THPO: variants seen among roughly 807,000 people sequenced by gnomAD.
THPO encodes MPL ligand.
THPO carries 12 observed loss-of-function variants against 17.0 expected under a neutral mutation model. The ratio of observed to expected loss-of-function variants is 0.71; its 90% CI spans 0.45 to 1.14. THPO has a LOEUF of 1.14. THPO is among the 50% of genes most tolerant of loss of function. THPO has a pLI of 0.00. For missense variants in THPO, 365 were observed against 427.5 expected, an observed-to-expected ratio of 0.85 and a Z score of 1.29; for synonymous variants, 188 against 183.0, an observed-to-expected ratio of 1.03 and a Z score of -0.22.
Position 184,373,069 on chromosome 3 carries a change from G to A in THPO, c.506C>T (p.Ser169Phe). 6.2e-7 allele frequency: 1 copy of A among 1,613,988 alleles called. No individual in the cohort carries two copies. Among genetic ancestry groups the A allele is most frequent in the Non-Finnish European group, 8.5e-7 (1 of 1,180,006 alleles). The change falls in exon 6 of 6, where the codon TCC becomes TTC. Residue 169 changes from serine to phenylalanine, a missense_variant. By Grantham distance (155) the Ser-to-Phe change is radical. Transcript: ENST00000647395. The part of the protein sequence containing the change: ...KVRFLMLVGG[S>F]TLCVRRAPPT... ...TGGGGCCCGCCTGACGCAGAGGGTG[G>A]ACCCTCCTACAAGCATCAGGAAACG...
At chr3:184,373,259 G>C in intron 5 of THPO, 81 bp from the exon 6 acceptor site, 1 of 1,587,630 alleles carries the variant, frequency 6.3e-7, no homozygotes, top group African/African-American at 1.3e-5. Flanking sequence ...AAGACAGGAT[G>C]CCAGTACCCA....
rs1158748595 is a variant in THPO, at chr3:184,373,087, A to G, written c.488T>C (p.Leu163Pro). 6.2e-7 allele frequency: 1 copy of G among 1,613,874 alleles called. No individual in the cohort carries two copies. The highest frequency in any genetic ancestry group is 1.3e-5 in the African/African-American group (1 of 74,916). Residue 163 changes from leucine to proline, a missense_variant, in exon 6 of 6, where the codon CTG (leucine) becomes CCG (proline). Physicochemically the swap from Leu to Pro is moderately conservative, Grantham distance 98. Transcript: ENST00000647395. ...GAGGGTGGACCCTCCTACAAGCATC[A>G]GGAAACGCACCTTTCCTCGGAGCAG... ...QHLLRGKVRF[L>P]MLVGGSTLCV...
intron 4 of THPO, among the ~76,000 whole-genome samples, chr3:184,375,137 A>G (rs1714282014): frequency 6.6e-6 from 1 of 152,200 alleles, no homozygotes; most frequent in South Asian, 2.1e-4. Context: ...CTAGTCTTTC[A>G]GTGATTTGAA....
At chr3:184,375,734 A>G in intron 3 of THPO, 133 bp from the exon 4 acceptor site, 1 of 1,482,124 alleles carries the variant, frequency 6.7e-7, no homozygotes, top group South Asian at 1.1e-5. Flanking sequence ...ATTGTGAAGA[A>G]TAATCCTTGT....
upstream of THPO, chr3:184,378,458 G>A: frequency 1.1e-6 from 1 of 946,708 alleles, no homozygotes; most frequent in Non-Finnish European, 1.3e-6. Flanking sequence ...AAGCACAGAG[G>A]TCTTGTTTAA....
Position 184,372,352 on chromosome 3 carries a change from C to T in THPO, c.*161G>A. Reference sequence around the variant, plus strand: ...ATAGCTTCTGAAGGTTTATAATGTACAGTGAAAAATGATTCCCTTTTCAGT... The same window carrying T: ...ATAGCTTCTGAAGGTTTATAATGTATAGTGAAAAATGATTCCCTTTTCAGT... On this transcript the variant is annotated 3_prime_UTR_variant, in exon 6 of 6. Coordinates refer to ENST00000647395, the MANE Select transcript of THPO (RefSeq NM_000460.4). 1.2e-6 allele frequency: 1 copy of T among 820,584 alleles called. No homozygotes were observed. Among genetic ancestry groups the T allele is most frequent in the Non-Finnish European group, 2.0e-6 (1 of 496,012 alleles). The allele number at this position is 820,584 out of a possible 1,614,324, so 50.8% of individuals were successfully genotyped here. A position where few individuals can be genotyped will look rare whatever the true frequency, so the allele number is the denominator to read the frequency against.
Position 184,372,300 on chromosome 3 carries a change from G to A in THPO, c.*213C>T, listed in dbSNP as rs1210547620. 6.7e-6 allele frequency: 4 copies of A among 597,580 alleles called. No homozygotes were observed. The highest frequency in any genetic ancestry group is 1.9e-5 in the African/African-American group (1 of 53,942). 37.0% of individuals were successfully genotyped at this position (597,580 alleles called of 1,614,324 possible). On this transcript the variant is annotated 3_prime_UTR_variant, in exon 6 of 6. Coordinates refer to ENST00000647395, the MANE Select transcript of THPO (RefSeq NM_000460.4). ...AATAGACCAAAGAGCTAGCTGCTCT[G>A]ATGAGTATTGCTGATAGCTTAAAAA...
chr3:184,376,961 T>A (rs1263674134), intron 1 of THPO, among the ~76,000 whole-genome samples: 1 of 152,212 alleles, frequency 6.6e-6, no homozygotes, highest in Non-Finnish European at 1.5e-5. Flanking sequence ...CTACCCCTGC[T>A]GAGAGCAGCA....
At position 184,373,307 on chromosome 3, in the gene THPO, G is replaced by C. The variant is rs1012887779; in HGVS notation, c.396+108C>G. 58 of 1,556,206 alleles carry C rather than the reference G, an allele frequency of 3.7e-5. No homozygotes were observed. In the Middle Eastern group the frequency reaches 5.2e-4, roughly 14 times the overall value. The stretch of plus-strand genomic sequence containing the variant: ...GGCAGGGAGCACTCTTAGTAGATCA[G>C]CTCTTCTGCCCTTGAGCTCCCTGGA... On this transcript the variant is annotated intron_variant, in intron 5 of 5. Coordinates refer to ENST00000647395, the MANE Select transcript of THPO (RefSeq NM_000460.4).
In THPO at chr3:184,376,413, A is replaced by G; in HGVS notation, c.-145-9T>C. 1 of 1,566,516 alleles carries G rather than the reference A, an allele frequency of 6.4e-7. No individual in the cohort carries two copies. Among genetic ancestry groups the G allele is most frequent in the Non-Finnish European group, 8.6e-7 (1 of 1,160,734 alleles). On this transcript the variant is annotated splice_polypyrimidine_tract_variant and intron_variant, in intron 1 of 5. Coordinates refer to ENST00000647395, the MANE Select transcript of THPO (RefSeq NM_000460.4). ...AGGGTGAAGAATCTATCCTGAAAGTAGCAAGAAGAGTGAACATTTAACCAA... is the reference window on the plus strand; with the variant it reads ...AGGGTGAAGAATCTATCCTGAAAGTGGCAAGAAGAGTGAACATTTAACCAA...
At chr3:184,378,282 C>G (rs1409023593), upstream of THPO, 1 of 985,412 alleles carries the variant, frequency 1.0e-6, no homozygotes, top group African/African-American at 1.7e-5. Context: ...CCTGGAGCCC[C>G]TGCCTGGACC....
intron 4 of THPO, 34 bp from the exon 5 acceptor site, chr3:184,373,616 C>T (rs771632375): frequency 1.9e-6 from 3 of 1,611,760 alleles, no homozygotes; most frequent in East Asian, 4.5e-5. Context: ...AGCGCACTGC[C>T]TCAAAGGGCA....
chr3:184,377,198 A>G lies in THPO; in HGVS notation c.-145-794T>C, dbSNP rs535941703. ...GTGGGGAGTGGGGCTGGGGAGGGGA[A>G]CTGCACAAAGCTGTAACTGGGACCA... On this transcript the variant is annotated intron_variant, in intron 1 of 5. Coordinates refer to ENST00000647395, the MANE Select transcript of THPO (RefSeq NM_000460.4). Among the ~76,000 whole-genome samples the G allele has an allele frequency of 3.2e-3, 491 of 152,126 alleles. 3 individuals carry two copies. Among genetic ancestry groups the G allele is most frequent in the African/African-American group, 0.011 (453 of 41,476 alleles).
At position 184,375,521 on chromosome 3, in the gene THPO, G is replaced by T; in HGVS notation, c.222C>A (p.Thr74=). 1 of 1,614,126 alleles carries T rather than the reference G, an allele frequency of 6.2e-7. No homozygotes were observed. Among genetic ancestry groups the T allele is most frequent in the Admixed American group, 1.7e-5 (1 of 60,016 alleles). ...AVDFSLGEWK[T]QMEETKAQDI... ...TTAGGGATGGCTTTCTTACCATCTG[G>T]GTTTTCCATTCTCCCAAGCTAAAGT... Residue 74 remains threonine, a synonymous_variant, in exon 4 of 6, where the codon ACC becomes ACA. Coordinates refer to ENST00000647395, the MANE Select transcript of THPO (RefSeq NM_000460.4).
At chr3:184,373,330 G>A in intron 5 of THPO, 85 bp downstream of exon 5, 1 of 1,582,394 alleles carries the variant, frequency 6.3e-7, no homozygotes, top group South Asian at 1.1e-5. Flanking sequence ...TGAGCTCCCT[G>A]GAAGAGCCCT....
At chr3:184,373,854 C>T (rs1447692623) in intron 4 of THPO, among the ~76,000 whole-genome samples, 7 of 152,194 alleles carry the variant, frequency 4.6e-5, no homozygotes, top group Non-Finnish European at 8.8e-5. Flanking sequence ...GAAATCTGCC[C>T]TGTTACAGCT....
Position 184,372,244 on chromosome 3 carries a change from G to A in THPO, c.*269C>T. 2.1e-6 allele frequency: 1 copy of A among 467,840 alleles called. No homozygotes were observed. Among genetic ancestry groups the A allele is most frequent in the Non-Finnish European group, 3.9e-6 (1 of 255,858 alleles). 29.0% of individuals were successfully genotyped at this position (467,840 alleles called of 1,614,324 possible). Reference sequence around the variant, plus strand: ...AGTTATCACAGAAAAAGAGCATGTAGAGAATCAGTGAGTTGCAAATTTCTG... The same window carrying A: ...AGTTATCACAGAAAAAGAGCATGTAAAGAATCAGTGAGTTGCAAATTTCTG... On this transcript the variant is annotated 3_prime_UTR_variant, in exon 6 of 6. Transcript: ENST00000647395.
rs1714388957 is a variant in THPO at position 184,376,234 on chromosome 3, G to A, written c.13+13C>T. On this transcript the variant is annotated intron_variant, in intron 2 of 5. Transcript: ENST00000647395. The stretch of plus-strand genomic sequence containing the variant: ...GTTTCCATATGGCCCTAGCCCCTCA[G>A]GTGTGTTCTCACCAGTCAGCTCCAT... 3.1e-6 allele frequency: 5 copies of A among 1,613,906 alleles called. No homozygotes were observed. The South Asian group carries it at 3.3e-5, about 11-fold the overall frequency.
rs1357271605 is a variant in THPO, at chr3:184,373,576, T to G, written c.235A>C (p.Thr79Pro). Reference protein sequence around the residue: ...LGEWKTQMEETKAQDILGAVT... With the variant: ...LGEWKTQMEEPKAQDILGAVT... Reference sequence around the variant, plus strand: ...GCTCCCAGAATGTCCTGTGCCTTGGTCTCCTCCTGAGAAAGAGATGGAAGA... The same window carrying G: ...GCTCCCAGAATGTCCTGTGCCTTGGGCTCCTCCTGAGAAAGAGATGGAAGA... Residue 79 changes from threonine to proline, a missense_variant, in exon 5 of 6, where the codon ACC becomes CCC. Coordinates refer to ENST00000647395, the MANE Select transcript of THPO (RefSeq NM_000460.4). 1 of 1,613,692 alleles carries G rather than the reference T, an allele frequency of 6.2e-7. No individual in the cohort carries two copies. Among genetic ancestry groups the G allele is most frequent in the Non-Finnish European group, 8.5e-7 (1 of 1,179,966 alleles).
Sources: gnomAD v4.1 joint callset for allele counts (sites outside exome capture counted in the v4.1 genomes callset) on GRCh38, gnomAD v4.1.1 for gene constraint, MANE v1.5 for transcripts, NCBI Gene and HGNC (gene_info 2026-07-23, HGNC 2026-07-21) for gene names.